The following COG5 variants were observed in gnomAD, a reference collection of about 807,000 sequenced individuals.
COG5 encodes conserved oligomeric Golgi complex subunit 5.
In COG5, 86 loss-of-function variants were observed where a neutral mutation model predicts 110.4. The observed-to-expected ratio is 0.78, with a 90% confidence interval of 0.65 to 0.93. COG5 has a LOEUF of 0.93. COG5 is among the 40% of genes least tolerant of loss of function. COG5 has a pLI of 0.00. For synonymous variants in COG5, 360 were observed against 334.6 expected, an observed-to-expected ratio of 1.08 and a Z score of -0.83; for missense variants, 1,077 against 987.0, an observed-to-expected ratio of 1.09 and a Z score of -1.22.
chr7:107,513,791 T>C (rs904483035), intron 6 of COG5, among the ~76,000 whole-genome samples: 16 of 151,762 alleles, frequency 1.1e-4, no homozygotes, highest in East Asian at 3.9e-4. Flanking sequence ...AGCAAACTAT[T>C]GCAAGGACAA....
intron 18 of COG5, among the ~76,000 whole-genome samples, chr7:107,234,518 T>C (rs1026107703): frequency 2.0e-5 from 3 of 152,234 alleles, no homozygotes; most frequent in Middle Eastern, 3.4e-3. Context: ...TCAGGACCCA[T>C]AAGGGAACAT....
At chr7:107,206,105 C>T (rs1798761266) in intron 21 of COG5, among the ~76,000 whole-genome samples, 1 of 152,066 alleles carries the variant, frequency 6.6e-6, no homozygotes. Context: ...GGACTACAGG[C>T]GCCCGCCATT....
chr7:107,496,461 C>A (rs1354342661), intron 6 of COG5, among the ~76,000 whole-genome samples: 2 of 151,946 alleles, frequency 1.3e-5, no homozygotes, highest in African/African-American at 4.8e-5. Flanking sequence ...CAGTTGGAGA[C>A]CAGCCCAGCC....
At chr7:107,478,916 A>C (rs952104377) in intron 6 of COG5, among the ~76,000 whole-genome samples, 7 of 152,106 alleles carry the variant, frequency 4.6e-5, no homozygotes, top group African/African-American at 1.7e-4. Flanking sequence ...AAGTCAATAA[A>C]ACTTTTAATT....
chr7:107,513,024 A>C (rs1409987601), intron 6 of COG5, among the ~76,000 whole-genome samples: 1 of 152,170 alleles, frequency 6.6e-6, no homozygotes, highest in Non-Finnish European at 1.5e-5. Flanking sequence ...AAGCAATGGC[A>C]ACAAAAGACA....
rs778310330 is a variant in COG5 at position 107,548,094 on chromosome 7, T to C, written c.417+17A>G. 1 of 1,600,514 alleles carries C rather than the reference T, an allele frequency of 6.2e-7. No homozygotes were observed. Among genetic ancestry groups the C allele is most frequent in the Non-Finnish European group, 8.6e-7 (1 of 1,168,402 alleles). ...AAATGAATAATAAAGTATAAAGAAATAAAAGTAAGAAACTACCTGAAGTCT... is the reference window on the plus strand; with the variant it reads ...AAATGAATAATAAAGTATAAAGAAACAAAAGTAAGAAACTACCTGAAGTCT... On this transcript the variant is annotated intron_variant, in intron 5 of 21. Coordinates refer to ENST00000297135, the MANE Select transcript of COG5 (RefSeq NM_006348.5).
chr7:107,495,767 G>A (rs1259804082), intron 6 of COG5, among the ~76,000 whole-genome samples: 1 of 151,856 alleles, frequency 6.6e-6, no homozygotes, highest in East Asian at 1.9e-4. Context: ...TAGAAAAATA[G>A]TACAAGCACA....
chr7:107,205,046 T>C (rs781589967), intron 21 of COG5, among the ~76,000 whole-genome samples: 3 of 152,232 alleles, frequency 2.0e-5, no homozygotes, highest in Non-Finnish European at 4.4e-5. Context: ...TCGCTTCACT[T>C]TGAACCCTTG....
intron 6 of COG5, among the ~76,000 whole-genome samples, chr7:107,454,445 C>T (rs1331912253): frequency 6.6e-6 from 1 of 152,022 alleles, no homozygotes; most frequent in Non-Finnish European, 1.5e-5. Flanking sequence ...GTTGTAAGAA[C>T]ATGTAGTTTT....
chr7:107,353,847 A>G (rs1261070747), intron 10 of COG5, among the ~76,000 whole-genome samples: 1 of 151,176 alleles, frequency 6.6e-6, no homozygotes, highest in African/African-American at 2.4e-5. Context: ...AAAGCATTAC[A>G]GAATCCCACT....
rs539193344 is a variant in COG5 at position 107,445,819 on chromosome 7, A to C, written c.539-33187T>G. Among the ~76,000 whole-genome samples the C allele has an allele frequency of 7.2e-5, 11 of 152,366 alleles. No homozygotes were observed. The Middle Eastern group carries it at 0.01, about 141-fold the overall frequency. ...TCTTTTAACAAATATTTATTGAGTAATCATGCGCTAGGCACTATGCTACAA... is the reference window on the plus strand; with the variant it reads ...TCTTTTAACAAATATTTATTGAGTACTCATGCGCTAGGCACTATGCTACAA... On this transcript the variant is annotated intron_variant, in intron 6 of 21. Coordinates refer to ENST00000297135, the MANE Select transcript of COG5 (RefSeq NM_006348.5).
chr7:107,211,125 G>A lies in COG5; in HGVS notation c.2269C>T (p.Pro757Ser), dbSNP rs148259908. 4.9e-5 allele frequency: 79 copies of A among 1,613,990 alleles called. No homozygotes were observed. The highest frequency in any genetic ancestry group is 6.5e-5 in the Non-Finnish European group (77 of 1,180,014). Reference sequence around the variant, plus strand: ...TGGAAAGGAGATTTCAGTTCAGCGGGTGCTCTCGTGAACAAAAACTGAATA... The same window carrying A: ...TGGAAAGGAGATTTCAGTTCAGCGGATGCTCTCGTGAACAAAAACTGAATA... Reference protein sequence around the residue: ...IIIQFLFTRAPAELKSPFQRA... With the variant: ...IIIQFLFTRASAELKSPFQRA... Residue 757 changes from proline (P) to serine (S), a missense_variant, in exon 20 of 22, where the codon CCC becomes TCC. By Grantham distance (74) the Pro-to-Ser change is moderately conservative. Transcript: ENST00000297135.
At chr7:107,437,183 A>G (rs975474862) in intron 6 of COG5, among the ~76,000 whole-genome samples, 1 of 152,184 alleles carries the variant, frequency 6.6e-6, no homozygotes, top group African/African-American at 2.4e-5. Flanking sequence ...AAAAACCATG[A>G]ATTTTTACAA....
chr7:107,381,351 A>G (rs1370312505), intron 7 of COG5, among the ~76,000 whole-genome samples: 1 of 152,194 alleles, frequency 6.6e-6, no homozygotes, highest in East Asian at 1.9e-4. Context: ...GCTACATGGG[A>G]TTGCCAAAAT....
At chr7:107,366,463 C>T (rs1014834305) in intron 8 of COG5, among the ~76,000 whole-genome samples, 1 of 151,450 alleles carries the variant, frequency 6.6e-6, no homozygotes, top group Admixed American at 6.6e-5. Flanking sequence ...ATTCAATATA[C>T]AATGGAAGAA....
chr7:107,459,632 C>T (rs963098425), intron 6 of COG5, among the ~76,000 whole-genome samples: 12 of 151,744 alleles, frequency 7.9e-5, no homozygotes, highest in Non-Finnish European at 1.6e-4. Flanking sequence ...CCCATATCTA[C>T]TGGGAAAAAT....
Position 107,201,743 on chromosome 7 carries a change from G to A in COG5, c.*1773C>T, listed in dbSNP as rs1405473560. On this transcript the variant is annotated 3_prime_UTR_variant, in exon 22 of 22. Transcript: ENST00000297135. ...GCTAAAGTACAGTAGAAAGAGAGGAGAAGTGTATACATGTTTTATTTTAAA... is the reference window on the plus strand; with the variant it reads ...GCTAAAGTACAGTAGAAAGAGAGGAAAAGTGTATACATGTTTTATTTTAAA... 1 of 285,532 alleles carries A rather than the reference G, an allele frequency of 3.5e-6. No homozygotes were observed. Among genetic ancestry groups the A allele is most frequent in the East Asian group, 6.2e-5 (1 of 16,184 alleles). 17.7% of individuals were successfully genotyped at this position (285,532 alleles called of 1,614,324 possible).
intron 10 of COG5, among the ~76,000 whole-genome samples, chr7:107,333,498 GA>G (rs916699740): frequency 6.6e-6 from 1 of 151,792 alleles, no homozygotes; most frequent in Non-Finnish European, 1.5e-5. Context: ...TGTTCAGAGA[GA>G]AAAAAATATT....
At chr7:107,248,581 C>T (rs1257781467) in intron 16 of COG5, 82 bp from the exon 17 acceptor site, 1 of 882,602 alleles carries the variant, frequency 1.1e-6, no homozygotes, top group Non-Finnish European at 1.8e-6. Flanking sequence ...GTGAGAAACA[C>T]CGTGACTAAC....
Sources: allele counts gnomAD v4.1 joint callset (sites outside exome capture counted in the v4.1 genomes callset), GRCh38; gene constraint gnomAD v4.1.1; transcripts MANE v1.5; gene names NCBI Gene and HGNC (gene_info 2026-07-23, HGNC 2026-07-21).